RARRES1: variants seen among roughly 807,000 people sequenced by gnomAD.
RARRES1 encodes retinoic acid receptor responder 1.
RARRES1 carries 34 observed loss-of-function variants against 30.6 expected under a neutral mutation model. The ratio of observed to expected loss-of-function variants is 1.11; its 90% CI spans 0.84 to 1.48. The LOEUF (loss-of-function observed/expected upper bound fraction) is 1.48, where lower values mean the gene tolerates loss of function less well. Ranked by LOEUF, RARRES1 falls within the 40% of genes most tolerant of loss-of-function variation. The pLI is 0.00. For synonymous variants in RARRES1, 153 were observed against 155.5 expected (o/e 0.98, Z 0.12); for missense variants, 373 against 386.5 (o/e 0.97, Z 0.29).
At chr3:158,699,609 C>T (rs894767634) in intron 4 of RARRES1, among the ~76,000 whole-genome samples, 2 of 152,048 alleles carry the variant, frequency 1.3e-5, no homozygotes, top group Admixed American at 6.6e-5. Flanking sequence ...TGATTTCCTT[C>T]AGAAATGCCT....
chr3:158,710,488 A>C (rs946922339), intron 3 of RARRES1, among the ~76,000 whole-genome samples: 5 of 152,184 alleles, frequency 3.3e-5, no homozygotes. Flanking sequence ...GATTACAGGC[A>C]TGAGCCACCG....
intron 4 of RARRES1, among the ~76,000 whole-genome samples, chr3:158,701,922 C>G (rs1280467353): frequency 1.3e-5 from 2 of 152,142 alleles, no homozygotes; most frequent in Non-Finnish European, 2.9e-5. Context: ...CCTTGGATGA[C>G]TCAGCTGCAT....
In RARRES1 at chr3:158,713,860, C is replaced by T. The variant is rs761529536; in HGVS notation, c.277-1G>A. 6.2e-7 allele frequency: 1 copy of T among 1,613,228 alleles called. No individual in the cohort carries two copies. Among genetic ancestry groups the T allele is most frequent in the South Asian group, 1.1e-5 (1 of 91,070 alleles). Reference sequence around the variant, plus strand: ...CTTTACATCCCTCTTTTGGATTAATCTGGAACACAGAAACTGAATCTTAGT... The same window carrying T: ...CTTTACATCCCTCTTTTGGATTAATTTGGAACACAGAAACTGAATCTTAGT... On this transcript the variant is annotated splice_acceptor_variant, in intron 1 of 5. Transcript: ENST00000237696. LOFTEE classifies it high-confidence loss of function.
At chr3:158,704,378 T>C (rs985227135) in intron 4 of RARRES1, among the ~76,000 whole-genome samples, 3 of 151,994 alleles carry the variant, frequency 2.0e-5, no homozygotes, top group Non-Finnish European at 4.4e-5. Context: ...ACTATAGGCA[T>C]GTGCCACTAC....
intron 3 of RARRES1, among the ~76,000 whole-genome samples, chr3:158,706,877 G>A (rs911733450): frequency 6.6e-6 from 1 of 152,084 alleles, no homozygotes; most frequent in African/African-American, 2.4e-5. Context: ...GATGTAAAGT[G>A]CTGCAGATAG....
rs550187196 is a variant in RARRES1, at chr3:158,732,435, C to G, written c.-20G>C. On this transcript the variant is annotated 5_prime_UTR_variant, in exon 1 of 6. Coordinates refer to ENST00000237696, the MANE Select transcript of RARRES1 (RefSeq NM_206963.2). Reference sequence around the variant, plus strand: ...CTGCATGGACGCAGGAAAGTTGGCTCGGCACCCGACAGACACGGGCTCGGA... The same window carrying G: ...CTGCATGGACGCAGGAAAGTTGGCTGGGCACCCGACAGACACGGGCTCGGA... 1.3e-6 allele frequency: 2 copies of G among 1,516,966 alleles called. No individual in the cohort carries two copies. The highest frequency in any genetic ancestry group is 1.4e-5 in the African/African-American group (1 of 70,340). The allele number at this position is 1,516,966 out of a possible 1,614,324, so 94.0% of individuals were successfully genotyped here. A position where few individuals can be genotyped will look rare whatever the true frequency, so the allele number is the denominator to read the frequency against.
chr3:158,703,362 C>T (rs1269876771), intron 4 of RARRES1, among the ~76,000 whole-genome samples: 1 of 152,138 alleles, frequency 6.6e-6, no homozygotes, highest in Non-Finnish European at 1.5e-5. Flanking sequence ...TCCTACTTTG[C>T]CTCTCTCTGC....
Position 158,704,903 on chromosome 3 carries a change from G to A in RARRES1, c.560C>T (p.Ser187Phe), listed in dbSNP as rs1481401549. Residue 187 changes from serine to phenylalanine, a missense_variant, in exon 4 of 6, where the codon TCT becomes TTT. Transcript: ENST00000237696. ...IPDNHGHIDP[S>F]LRLIWDLAFL... ...AGCCAAATCCCAGATGAGTCTCAGA[G>A]AGGGATCAATATGTCCATGATTATC... The A allele has an allele frequency of 6.2e-7, 1 of 1,613,192 alleles. No homozygotes were observed. Among genetic ancestry groups the A allele is most frequent in the Admixed American group, 1.7e-5 (1 of 59,942 alleles).
At chr3:158,732,015 G>A in intron 1 of RARRES1, 125 bp downstream of exon 1, 3 of 1,004,422 alleles carry the variant, frequency 3.0e-6, no homozygotes, top group Non-Finnish European at 3.9e-6. Flanking sequence ...CCCGGGCGTC[G>A]TGCGCACTGC....
At chr3:158,715,193 A>G (rs1296540613) in intron 1 of RARRES1, among the ~76,000 whole-genome samples, 21 of 152,228 alleles carry the variant, frequency 1.4e-4, no homozygotes. Flanking sequence ...GCTGTTAATC[A>G]CCTACTATGC....
At chr3:158,705,862 A>G (rs1013146061) in intron 3 of RARRES1, among the ~76,000 whole-genome samples, 1 of 152,190 alleles carries the variant, frequency 6.6e-6, no homozygotes, top group Non-Finnish European at 1.5e-5. Flanking sequence ...TAAATTTGGC[A>G]AACATCTTTC....
At chr3:158,727,504 C>T (rs1056462954) in intron 1 of RARRES1, among the ~76,000 whole-genome samples, 19 of 152,132 alleles carry the variant, frequency 1.2e-4, no homozygotes, top group South Asian at 2.1e-4. Context: ...AGTAAAAGGC[C>T]GGCCTCTCAC....
At chr3:158,724,941 C>T (rs780085594) in intron 1 of RARRES1, among the ~76,000 whole-genome samples, 5 of 152,052 alleles carry the variant, frequency 3.3e-5, no homozygotes, top group Admixed American at 1.3e-4. Context: ...GATCCTCCCA[C>T]CTCAGCCTTC....
intron 4 of RARRES1, 107 bp from the exon 5 acceptor site, chr3:158,698,077 T>C (rs1726606141): frequency 3.9e-6 from 3 of 765,154 alleles, no homozygotes; most frequent in African/African-American, 1.8e-5. Context: ...CCTACTGCCT[T>C]TTCGATTTCA....
At chr3:158,722,968 T>G (rs1330736170) in intron 1 of RARRES1, among the ~76,000 whole-genome samples, 1 of 152,038 alleles carries the variant, frequency 6.6e-6, no homozygotes, top group Non-Finnish European at 1.5e-5. Flanking sequence ...GCAGGGATGG[T>G]GTCCTGGAGA....
At chr3:158,715,735 G>A (rs1294265198) in intron 1 of RARRES1, among the ~76,000 whole-genome samples, 2 of 152,128 alleles carry the variant, frequency 1.3e-5, no homozygotes, top group African/African-American at 4.8e-5. Context: ...TATATAACAT[G>A]GTCTCCCATC....
chr3:158,719,795 A>G (rs553055228), intron 1 of RARRES1, among the ~76,000 whole-genome samples: 3 of 152,326 alleles, frequency 2.0e-5, no homozygotes, highest in Non-Finnish European at 4.4e-5. Context: ...AGAATGTACA[A>G]TGGAATGCTT....
intron 1 of RARRES1, among the ~76,000 whole-genome samples, chr3:158,717,243 C>T (rs970780114): frequency 2.0e-5 from 3 of 152,250 alleles, no homozygotes; most frequent in African/African-American, 7.2e-5. Context: ...CAGCTCCTAC[C>T]TTATTCCAAG....
intron 1 of RARRES1, among the ~76,000 whole-genome samples, chr3:158,720,271 T>TGAGAGAGAGAGAGAGAGA (rs1381094640): frequency 6.7e-6 from 1 of 148,794 alleles, no homozygotes; most frequent in African/African-American, 2.6e-5. Context: ...TGTGTATGTG[T>TGAGAGAGAGAGAGAGAGA]GTGAGAGAGA....
Sources: allele counts gnomAD v4.1 joint callset (sites outside exome capture counted in the v4.1 genomes callset), GRCh38; gene constraint gnomAD v4.1.1; transcripts MANE v1.5; gene names NCBI Gene and HGNC (gene_info 2026-07-23, HGNC 2026-07-21).